AMER3: variants seen among roughly 807,000 people sequenced by gnomAD.
AMER3 encodes APC membrane recruitment protein 3.
For synonymous variants in AMER3, 541 were observed against 485.5 expected (o/e 1.11, Z -1.50); for missense variants, 1,201 against 1,139.4 (o/e 1.05, Z -0.78).
At chr2:130,760,430 G>A (rs1678742462) in intron 1 of AMER3, among the ~76,000 whole-genome samples, 1 of 152,222 alleles carries the variant, frequency 6.6e-6, no homozygotes, top group African/African-American at 2.4e-5. Flanking sequence ...GTCTCTGGCA[G>A]GTAGCTGCAA....
chr2:130,762,601 C>T lies in AMER3; in HGVS notation c.529C>T (p.Leu177=). ...AAACAAGACTGAGGACTTGGCCTCG[C>T]TGGCGGCCGAGGGGAAAAGCCTGCC... is the stretch of plus-strand genomic sequence containing the variant. ...RRNKTEDLAS[L]AAEGKSLPSP... The change falls in exon 2 of 2, where the codon CTG becomes TTG. Residue 177 remains leucine (L), a synonymous_variant. Transcript: ENST00000321420. 6.2e-7 allele frequency: 1 copy of T among 1,612,900 alleles called. No individual in the cohort carries two copies. The highest frequency in any genetic ancestry group is 8.5e-7 in the Non-Finnish European group (1 of 1,179,982).
intron 1 of AMER3, among the ~76,000 whole-genome samples, chr2:130,761,329 G>T (rs1291972660): frequency 6.6e-6 from 1 of 152,200 alleles, no homozygotes; most frequent in African/African-American, 2.4e-5. Flanking sequence ...AACCTTCTCT[G>T]CATGGCACTG....
rs1192616804 is a variant in AMER3 at position 130,766,211 on chromosome 2, TG to T, written c.*1554del. ...TAATGATCCAAACTTGTGTGAGGAC[TG>T]TGAGGCTCAGGGTGGGAGACGGGTG... On this transcript the variant is annotated 3_prime_UTR_variant, in exon 2 of 2. Transcript: ENST00000321420. The T allele has an allele frequency of 6.0e-6, 1 of 166,934 alleles. No individual in the cohort carries two copies. Among genetic ancestry groups the T allele is most frequent in the Non-Finnish European group, 1.5e-5 (1 of 68,106 alleles). The allele number at this position is 166,934 out of a possible 1,614,324, so 10.3% of individuals were successfully genotyped here. A position where few individuals can be genotyped will look rare whatever the true frequency, so the allele number is the denominator to read the frequency against.
At chr2:130,758,159 A>G (rs752605196) in intron 1 of AMER3, among the ~76,000 whole-genome samples, 4 of 151,198 alleles carry the variant, frequency 2.6e-5, no homozygotes, top group Non-Finnish European at 4.4e-5. Flanking sequence ...CAAAAAACCC[A>G]CCATCCTGGC....
At position 130,763,688 on chromosome 2, in the gene AMER3, C is replaced by A; in HGVS notation, c.1616C>A (p.Ala539Glu). The A allele has an allele frequency of 6.5e-7, 1 of 1,539,954 alleles. No individual in the cohort carries two copies. Residue 539 changes from alanine to glutamate, a missense_variant, in exon 2 of 2, where the codon GCA becomes GAA. Physicochemically the swap from Ala to Glu is moderately radical, Grantham distance 107. Coordinates refer to ENST00000321420, the MANE Select transcript of AMER3 (RefSeq NM_152698.3). ...CCTGGTTCCCAGGGAGCCCCTAGGGCACCCACAGAGAAGCTGGGGGGCAGG... is the reference window on the plus strand; with the variant it reads ...CCTGGTTCCCAGGGAGCCCCTAGGGAACCCACAGAGAAGCTGGGGGGCAGG... ...APPGSQGAPRAPTEKLGGREG... is the reference protein window; with the variant it reads ...APPGSQGAPREPTEKLGGREG...
intron 1 of AMER3, among the ~76,000 whole-genome samples, chr2:130,760,887 CCA>C (rs1678757863): frequency 6.6e-6 from 1 of 152,146 alleles, no homozygotes; most frequent in Non-Finnish European, 1.5e-5. Context: ...TCGAGCTGTC[CCA>C]CGCTGTTGGT....
Position 130,765,431 on chromosome 2 carries a change from C to A in AMER3, c.*773C>A, listed in dbSNP as rs922063206. 2 of 167,034 alleles carry A rather than the reference C, an allele frequency of 1.2e-5. No homozygotes were observed. The highest frequency in any genetic ancestry group is 3.8e-4 in the East Asian group (2 of 5,204). 10.3% of individuals were successfully genotyped at this position (167,034 alleles called of 1,614,324 possible). A position where few individuals can be genotyped will look rare whatever the true frequency, so the allele number is the denominator to read the frequency against. On this transcript the variant is annotated 3_prime_UTR_variant, in exon 2 of 2. Transcript: ENST00000321420. ...TCATATCATGACCAACAACCTAAGT[C>A]TTTTGACGAAGTCAATCTATGATGC... is the stretch of plus-strand genomic sequence containing the variant.
chr2:130,763,420 G>A lies in AMER3; in HGVS notation c.1348G>A (p.Gly450Arg), dbSNP rs758673608. The A allele has an allele frequency of 6.2e-7, 1 of 1,613,066 alleles. No individual in the cohort carries two copies. Among genetic ancestry groups the A allele is most frequent in the Non-Finnish European group, 8.5e-7 (1 of 1,180,026 alleles). ...DDLCVSESLSGPALGTPLSIC... is the reference protein window; with the variant it reads ...DDLCVSESLSRPALGTPLSIC... ...CCTGTGCGTGTCTGAGAGTCTGTCA[G>A]GGCCGGCCCTGGGGACGCCACTGTC... Residue 450 changes from glycine (G) to arginine (R), a missense_variant, in exon 2 of 2, where the codon GGG (glycine) becomes AGG (arginine). Physicochemically the swap from Gly to Arg is moderately radical, Grantham distance 125 (BLOSUM62 -2). Transcript: ENST00000321420.
At chr2:130,758,004 G>C (rs753678786) in intron 1 of AMER3, among the ~76,000 whole-genome samples, 5 of 152,050 alleles carry the variant, frequency 3.3e-5, no homozygotes, top group Non-Finnish European at 4.4e-5. Flanking sequence ...CATGGTGGCG[G>C]GTGCCTGTAG....
chr2:130,764,574 C>G lies in AMER3; in HGVS notation c.2502C>G (p.Cys834Trp). 2 of 1,605,034 alleles carry G rather than the reference C, an allele frequency of 1.2e-6. No homozygotes were observed. Among genetic ancestry groups the G allele is most frequent in the South Asian group, 1.1e-5 (1 of 89,416 alleles). ...GVSASAPECR[C>W]SLLAREGLLC... The stretch of plus-strand genomic sequence containing the variant: ...CTGCAAGTGCCCCAGAATGCCGCTG[C>G]AGCCTCCTGGCCCGTGAGGGCCTCC... The change falls in exon 2 of 2, where the codon TGC (cysteine) becomes TGG (tryptophan). Residue 834 changes from cysteine to tryptophan, a missense_variant. Transcript: ENST00000321420.
Position 130,762,217 on chromosome 2 carries a change from A to G in AMER3, c.145A>G (p.Ser49Gly), listed in dbSNP as rs1338281978. Residue 49 changes from serine (S) to glycine (G), a missense_variant, in exon 2 of 2, where the codon AGT becomes GGT. Ser to Gly is a moderately conservative substitution (Grantham distance 56). Transcript: ENST00000321420. ...VLPGGQQRPH[S>G]EKGPQASPSA... ...TCCAGGAGGGCAACAGAGGCCCCAC[A>G]GTGAGAAGGGCCCCCAAGCCAGCCC... 6.3e-7 allele frequency: 1 copy of G among 1,584,406 alleles called. No homozygotes were observed. The highest frequency in any genetic ancestry group is 2.3e-5 in the East Asian group (1 of 43,874).
chr2:130,764,417 TGGAGCA>T lies in AMER3; in HGVS notation c.2348_2353del (p.Glu783_Gln784del). 1 of 1,610,744 alleles carries T rather than the reference TGGAGCA, an allele frequency of 6.2e-7. No individual in the cohort carries two copies. Among genetic ancestry groups the T allele is most frequent in the Non-Finnish European group, 8.5e-7 (1 of 1,178,972 alleles). On this transcript the variant is annotated inframe_deletion, in exon 2 of 2. Transcript: ENST00000321420. ...CCCTTGCAGCTCAGCACAGAGGCTGTGGAGCAGGTGGCACACGGCAGCCAGCTGGAC... is the reference window on the plus strand; with the variant it reads ...CCCTTGCAGCTCAGCACAGAGGCTGTGGTGGCACACGGCAGCCAGCTGGAC...
In AMER3 at chr2:130,763,063, G is replaced by A. The variant is rs777579863; in HGVS notation, c.991G>A (p.Gly331Ser). 1.2e-6 allele frequency: 2 copies of A among 1,613,012 alleles called. No homozygotes were observed. Among genetic ancestry groups the A allele is most frequent in the South Asian group, 2.2e-5 (2 of 91,034 alleles). ...QRALLGPWLS[G>S]PQGTDRDQSR... is the part of the protein sequence containing the mutation. ...TGCCCTCCTAGGCCCGTGGCTTTCAGGCCCCCAGGGGACAGACAGGGACCA... is the reference window on the plus strand; with the variant it reads ...TGCCCTCCTAGGCCCGTGGCTTTCAAGCCCCCAGGGGACAGACAGGGACCA... The change falls in exon 2 of 2, where the codon GGC becomes AGC. Residue 331 changes from glycine to serine, a missense_variant. Physicochemically the swap from Gly to Ser is moderately conservative, Grantham distance 56. Transcript: ENST00000321420.
At position 130,762,644 on chromosome 2, in the gene AMER3, C is replaced by T. The variant is rs1678827666; in HGVS notation, c.572C>T (p.Ser191Leu). 1 of 1,611,142 alleles carries T rather than the reference C, an allele frequency of 6.2e-7. No individual in the cohort carries two copies. Among genetic ancestry groups the T allele is most frequent in the African/African-American group, 1.3e-5 (1 of 74,744 alleles). The change falls in exon 2 of 2, where the codon TCA becomes TTA. Residue 191 changes from serine (S) to leucine (L), a missense_variant. Transcript: ENST00000321420. Reference protein sequence around the residue: ...GKSLPSPGDPSDPGGRRSKAF... With the variant: ...GKSLPSPGDPLDPGGRRSKAF... ...AGCCTGCCCTCCCCAGGGGACCCGT[C>T]AGACCCTGGGGGGCGGCGAAGCAAA...
At chr2:130,755,992 C>T (rs566869423) in intron 1 of AMER3, 2 of 152,360 alleles carry the variant, frequency 1.3e-5, no homozygotes, top group South Asian at 4.1e-4. Flanking sequence ...GAGGGAGGCG[C>T]AGCCGCAACC....
chr2:130,759,716 G>GCTGT (rs1240087792), intron 1 of AMER3, among the ~76,000 whole-genome samples: 1 of 152,200 alleles, frequency 6.6e-6, no homozygotes, highest in Non-Finnish European at 1.5e-5. Flanking sequence ...AAGAGTCTGA[G>GCTGT]CTGTCGGTTT....
chr2:130,765,355 A>G lies in AMER3; in HGVS notation c.*697A>G, dbSNP rs1264439151. 1 of 167,060 alleles carries G rather than the reference A, an allele frequency of 6.0e-6. No individual in the cohort carries two copies. The highest frequency in any genetic ancestry group is 6.5e-5 in the Admixed American group (1 of 15,298). 10.3% of individuals were successfully genotyped at this position (167,060 alleles called of 1,614,324 possible). A position where few individuals can be genotyped will look rare whatever the true frequency, so the allele number is the denominator to read the frequency against. On this transcript the variant is annotated 3_prime_UTR_variant, in exon 2 of 2. Coordinates refer to ENST00000321420, the MANE Select transcript of AMER3 (RefSeq NM_152698.3). ...ATAGGTCAAAATGGGAAATGTATAC[A>G]TGCATGTCACTATGCTTGGTAATTG...
Position 130,763,554 on chromosome 2 carries a change from G to T in AMER3, c.1482G>T (p.Leu494=). 1 of 1,612,438 alleles carries T rather than the reference G, an allele frequency of 6.2e-7. No homozygotes were observed. Among genetic ancestry groups the T allele is most frequent in the Non-Finnish European group, 8.5e-7 (1 of 1,179,842 alleles). ...LQSSWKGKEC[L]LKLCDTELAI... is the part of the protein sequence containing the mutation. Reference sequence around the variant, plus strand: ...GCTCCTGGAAGGGCAAGGAGTGCCTGCTGAAGCTGTGTGACACTGAGCTCG... The same window carrying T: ...GCTCCTGGAAGGGCAAGGAGTGCCTTCTGAAGCTGTGTGACACTGAGCTCG... Residue 494 remains leucine (L), a synonymous_variant, in exon 2 of 2, where the codon CTG becomes CTT. Transcript: ENST00000321420.
Position 130,763,023 on chromosome 2 carries a change from G to A in AMER3, c.951G>A (p.Val317=). 6.2e-7 allele frequency: 1 copy of A among 1,613,408 alleles called. No homozygotes were observed. Among genetic ancestry groups the A allele is most frequent in the African/African-American group, 1.3e-5 (1 of 75,032 alleles). The part of the protein sequence containing the change: ...TRFWDSVNRS[V]RQQQRALLGP... The stretch of plus-strand genomic sequence containing the variant: ...TCTGGGACAGTGTGAATCGCTCAGT[G>A]CGTCAGCAGCAGCGTGCCCTCCTAG... Residue 317 remains valine, a synonymous_variant, in exon 2 of 2, where the codon GTG becomes GTA. Coordinates refer to ENST00000321420, the MANE Select transcript of AMER3 (RefSeq NM_152698.3).
Sources: allele counts gnomAD v4.1 joint callset (sites outside exome capture counted in the v4.1 genomes callset), GRCh38; gene constraint gnomAD v4.1.1; transcripts MANE v1.5; gene names NCBI Gene and HGNC (gene_info 2026-07-23, HGNC 2026-07-21).